ADGRL3: variants seen among roughly 807,000 people sequenced by gnomAD.
ADGRL3 encodes the protein adhesion G protein-coupled receptor L3, also known as calcium-independent alpha-latrotoxin receptor 3.
ADGRL3 carries 62 observed loss-of-function variants against 153.5 expected under a neutral mutation model. The ratio of observed to expected loss-of-function variants is 0.40; its 90% CI spans 0.33 to 0.50. The LOEUF is 0.50. Among genes scored for constraint, ADGRL3 ranks in the 20% least tolerant of loss-of-function variants. The probability of loss-of-function intolerance (pLI) is 0.47; values close to 1 mark genes in which losing one functional copy is unlikely to be tolerated. For missense variants in ADGRL3, 1,641 were observed against 1,859.4 expected, an observed-to-expected ratio of 0.88 and a Z score of 2.16; for synonymous variants, 710 against 672.5, an observed-to-expected ratio of 1.06 and a Z score of -0.86.
At chr4:61,232,930 A>C (rs985803288) in intron 1 of ADGRL3, among the ~76,000 whole-genome samples, 1 of 152,196 alleles carries the variant, frequency 6.6e-6, no homozygotes, top group African/African-American at 2.4e-5. Flanking sequence ...CATTGTAATC[A>C]GACTCATAGT....
chr4:61,607,467 G>A (rs923082024), intron 5 of ADGRL3, among the ~76,000 whole-genome samples: 1 of 152,050 alleles, frequency 6.6e-6, no homozygotes, highest in African/African-American at 2.4e-5. Context: ...GGGTGTGGTG[G>A]TGCACGCCTG....
chr4:61,374,141 C>A (rs1376271462), intron 1 of ADGRL3, among the ~76,000 whole-genome samples: 2 of 152,014 alleles, frequency 1.3e-5, no homozygotes, highest in Non-Finnish European at 2.9e-5. Context: ...GGGGTGAATT[C>A]TTTGGGTAGA....
chr4:61,950,628 C>A (rs1278581470), intron 17 of ADGRL3, among the ~76,000 whole-genome samples: 1 of 152,170 alleles, frequency 6.6e-6, no homozygotes, highest in Non-Finnish European at 1.5e-5. Flanking sequence ...TACACACAGA[C>A]TGGGTGGTCT....
chr4:61,621,015 T>C (rs2092471243), intron 5 of ADGRL3, among the ~76,000 whole-genome samples: 1 of 152,190 alleles, frequency 6.6e-6, no homozygotes, highest in African/African-American at 2.4e-5. Context: ...ATCGGCTTAT[T>C]TGTTATTTTT....
intron 9 of ADGRL3, among the ~76,000 whole-genome samples, chr4:61,874,678 C>T (rs538158002): frequency 6.7e-6 from 1 of 148,296 alleles, no homozygotes; most frequent in South Asian, 2.2e-4. Flanking sequence ...GTAAAATATA[C>T]ATACCATTAT....
At chr4:62,029,717 T>G (rs1046504763) in intron 22 of ADGRL3, among the ~76,000 whole-genome samples, 2 of 151,042 alleles carry the variant, frequency 1.3e-5, no homozygotes, top group Non-Finnish European at 3.0e-5. Flanking sequence ...TTTTTTTTTT[T>G]TTTAGAAATC....
chr4:61,953,612 A>G (rs981017807), intron 17 of ADGRL3, among the ~76,000 whole-genome samples: 1 of 152,066 alleles, frequency 6.6e-6, no homozygotes, highest in Admixed American at 6.6e-5. Context: ...CACTCAAAAA[A>G]CTCATATTTT....
chr4:61,460,335 C>T (rs2097795780), intron 2 of ADGRL3, among the ~76,000 whole-genome samples: 1 of 152,034 alleles, frequency 6.6e-6, no homozygotes, highest in South Asian at 2.1e-4. Flanking sequence ...GTCCTTTCCC[C>T]AACGTATATA....
chr4:61,496,059 C>A (rs2098312347), intron 2 of ADGRL3, among the ~76,000 whole-genome samples: 1 of 152,114 alleles, frequency 6.6e-6, no homozygotes, highest in Admixed American at 6.5e-5. Context: ...ATTTTCAGTA[C>A]TGAATGAAGC....
intron 8 of ADGRL3, among the ~76,000 whole-genome samples, chr4:61,755,027 C>T (rs1269208621): frequency 2.6e-5 from 4 of 152,128 alleles, no homozygotes; most frequent in African/African-American, 7.2e-5. Context: ...CATTGTTGGA[C>T]ATTTGGTTGG....
chr4:61,670,160 G>A (rs1050851883), intron 5 of ADGRL3, among the ~76,000 whole-genome samples: 1 of 152,070 alleles, frequency 6.6e-6, no homozygotes, highest in African/African-American at 2.4e-5. Context: ...CAAGTGTGGT[G>A]TCATGCACCT....
At chr4:61,960,111 G>C (rs958335734) in intron 17 of ADGRL3, among the ~76,000 whole-genome samples, 14 of 152,112 alleles carry the variant, frequency 9.2e-5, no homozygotes, top group African/African-American at 2.9e-4. Flanking sequence ...TTATCCAAAA[G>C]CTAACCTTTT....
rs901704704 is a variant in ADGRL3, at chr4:62,071,693, C to G, written c.*785C>G. 2.4e-5 allele frequency: 10 copies of G among 422,480 alleles called. No homozygotes were observed. Among genetic ancestry groups the G allele is most frequent in the Non-Finnish European group, 3.7e-5 (8 of 216,480 alleles). 26.2% of individuals were successfully genotyped at this position (422,480 alleles called of 1,614,324 possible). A position where few individuals can be genotyped will look rare whatever the true frequency, so the allele number is the denominator to read the frequency against. ...TGTGCTGGTCTTGCAAGTTTGTCTA[C>G]CAGTAAGAGAGCAAAGTTTCCTTCC... On this transcript the variant is annotated 3_prime_UTR_variant, in exon 27 of 27. Transcript: ENST00000683033.
chr4:61,772,847 G>C (rs1191230445), intron 8 of ADGRL3, among the ~76,000 whole-genome samples: 1 of 152,072 alleles, frequency 6.6e-6, no homozygotes, highest in African/African-American at 2.4e-5. Context: ...TCTGTATTAT[G>C]GGGTAGTGTG....
At chr4:61,808,287 C>G (rs952224708) in intron 8 of ADGRL3, among the ~76,000 whole-genome samples, 1 of 151,958 alleles carries the variant, frequency 6.6e-6, no homozygotes, top group East Asian at 1.9e-4. Context: ...GGAGCGGATG[C>G]TGAATAAATA....
At chr4:61,412,244 A>G (rs575134687) in intron 2 of ADGRL3, among the ~76,000 whole-genome samples, 1 of 152,128 alleles carries the variant, frequency 6.6e-6, no homozygotes, top group Admixed American at 6.5e-5. Flanking sequence ...ACTGTGCCCA[A>G]CTATTTTTTT....
chr4:61,665,509 T>C (rs1405187321), intron 5 of ADGRL3, among the ~76,000 whole-genome samples: 1 of 152,110 alleles, frequency 6.6e-6, no homozygotes, highest in Admixed American at 6.6e-5. Context: ...GGAAATTCAG[T>C]AACCGTCTTA....
chr4:61,539,199 G>C (rs2098675382), intron 4 of ADGRL3, among the ~76,000 whole-genome samples: 1 of 152,230 alleles, frequency 6.6e-6, no homozygotes, highest in African/African-American at 2.4e-5. Flanking sequence ...AACCTGTGCA[G>C]TGCTAGCTTA....
At chr4:61,523,161 ACT>A (rs1473313118) in intron 4 of ADGRL3, among the ~76,000 whole-genome samples, 1 of 151,482 alleles carries the variant, frequency 6.6e-6, no homozygotes, top group Non-Finnish European at 1.5e-5. Context: ...TACTTTCCTT[ACT>A]CCTAAACTTT....
Sources: gnomAD v4.1 joint callset for allele counts (sites outside exome capture counted in the v4.1 genomes callset) on GRCh38, gnomAD v4.1.1 for gene constraint, MANE v1.5 for transcripts, NCBI Gene and HGNC (gene_info 2026-07-23, HGNC 2026-07-21) for gene names.